The following GRM7 variants were observed in gnomAD, a reference collection of about 807,000 sequenced individuals.
The protein encoded by GRM7 is glutamate metabotropic receptor 7.
In GRM7, 35 loss-of-function variants were observed where a neutral mutation model predicts 84.5. The ratio of observed to expected loss-of-function variants is 0.41; its 90% CI spans 0.32 to 0.55. The LOEUF (loss-of-function observed/expected upper bound fraction) is 0.55. Ranked by LOEUF, GRM7 falls within the 20% of genes least tolerant of loss-of-function variation. The pLI is 0.19. For synonymous variants in GRM7, 487 were observed against 455.1 expected (o/e 1.07, Z -0.89); for missense variants, 1,003 against 1,194.6 (o/e 0.84, Z 2.36).
chr3:7,128,926 T>C (rs1323023248), intron 1 of GRM7, among the ~76,000 whole-genome samples: 1 of 152,172 alleles, frequency 6.6e-6, no homozygotes, highest in Non-Finnish European at 1.5e-5. Flanking sequence ...AAGTTGCTTT[T>C]AAGCTGAAGT....
At chr3:7,472,666 G>T (rs1698751177) in intron 7 of GRM7, among the ~76,000 whole-genome samples, 1 of 152,186 alleles carries the variant, frequency 6.6e-6, no homozygotes, top group South Asian at 2.1e-4. Context: ...GGTAGTGAGA[G>T]ATGAGGCAAC....
intron 1 of GRM7, among the ~76,000 whole-genome samples, chr3:7,074,974 G>C (rs1698012004): frequency 6.6e-6 from 1 of 152,196 alleles, no homozygotes; most frequent in Non-Finnish European, 1.5e-5. Context: ...TCTCACTTCA[G>C]TGATCATTTT....
intron 1 of GRM7, among the ~76,000 whole-genome samples, chr3:7,034,807 C>T (rs1370087187): frequency 3.3e-5 from 5 of 152,144 alleles, no homozygotes; most frequent in Admixed American, 3.3e-4. Context: ...CATGTCAATT[C>T]CTTGTCCTTC....
At chr3:7,700,871 A>G (rs1301176862) in intron 9 of GRM7, among the ~76,000 whole-genome samples, 1 of 152,226 alleles carries the variant, frequency 6.6e-6, no homozygotes, top group Non-Finnish European at 1.5e-5. Flanking sequence ...AATTCAGATC[A>G]TAGGATTAGG....
At chr3:7,224,999 T>C (rs1696936710) in intron 2 of GRM7, among the ~76,000 whole-genome samples, 1 of 152,222 alleles carries the variant, frequency 6.6e-6, no homozygotes, top group African/African-American at 2.4e-5. Flanking sequence ...CTTTAGTTTT[T>C]ACAGCTCTAG....
chr3:7,540,195 G>A (rs1239975883), intron 7 of GRM7, among the ~76,000 whole-genome samples: 1 of 152,048 alleles, frequency 6.6e-6, no homozygotes, highest in East Asian at 1.9e-4. Flanking sequence ...GTTAAAAATG[G>A]GATAACCAGA....
intron 7 of GRM7, among the ~76,000 whole-genome samples, chr3:7,558,573 A>G (rs530098212): frequency 8.9e-4 from 135 of 152,242 alleles, no homozygotes; most frequent in African/African-American, 3.2e-3. Context: ...CAGAAAGTTT[A>G]TTTGACCTAG....
intron 6 of GRM7, among the ~76,000 whole-genome samples, chr3:7,458,313 A>G (rs578250759): frequency 2.0e-5 from 3 of 152,262 alleles, no homozygotes; most frequent in Middle Eastern, 3.4e-3. Flanking sequence ...CCTTGTGGGC[A>G]TCTCTGTGGG....
At chr3:6,919,663 A>C (rs1042566558) in intron 1 of GRM7, among the ~76,000 whole-genome samples, 1 of 151,904 alleles carries the variant, frequency 6.6e-6, no homozygotes, top group Non-Finnish European at 1.5e-5. Context: ...TTTGATTTCA[A>C]ATATAAGATC....
At chr3:7,162,907 G>A (rs1481219054) in intron 2 of GRM7, among the ~76,000 whole-genome samples, 2 of 151,258 alleles carry the variant, frequency 1.3e-5, no homozygotes, top group Non-Finnish European at 2.9e-5. Context: ...TTACGGGAGT[G>A]CACCACAGTA....
intron 4 of GRM7, among the ~76,000 whole-genome samples, chr3:7,386,100 A>G (rs193180557): frequency 6.6e-6 from 1 of 152,316 alleles, no homozygotes; most frequent in East Asian, 1.9e-4. Context: ...GCTGATTACC[A>G]TGCAAGCCAA....
intron 1 of GRM7, among the ~76,000 whole-genome samples, chr3:7,064,140 T>A (rs1254306537): frequency 6.6e-6 from 1 of 151,372 alleles, no homozygotes; most frequent in African/African-American, 2.4e-5. Context: ...TCTGGTTACA[T>A]GTGTAAGTTC....
At chr3:6,995,982 C>T (rs945101379) in intron 1 of GRM7, among the ~76,000 whole-genome samples, 1 of 152,154 alleles carries the variant, frequency 6.6e-6, no homozygotes, top group Admixed American at 6.5e-5. Flanking sequence ...TAGGTATGCT[C>T]ACTTCATGAA....
chr3:7,732,992 T>G (rs1702381702), intron 9 of GRM7, among the ~76,000 whole-genome samples: 1 of 152,196 alleles, frequency 6.6e-6, no homozygotes, highest in Non-Finnish European at 1.5e-5. Context: ...TAGAGTAACC[T>G]CCTGATGTGG....
chr3:7,139,768 T>G (rs1460550548), intron 1 of GRM7, among the ~76,000 whole-genome samples: 1 of 151,986 alleles, frequency 6.6e-6, no homozygotes, highest in East Asian at 1.9e-4. Context: ...GCAATGATTT[T>G]TTTGAACATC....
intron 8 of GRM7, among the ~76,000 whole-genome samples, chr3:7,655,379 T>A (rs1171070364): frequency 2.6e-5 from 4 of 152,206 alleles, no homozygotes; most frequent in African/African-American, 9.6e-5. Context: ...ATGAAGCATG[T>A]GGCTCTATCC....
intron 1 of GRM7, among the ~76,000 whole-genome samples, chr3:6,890,524 G>T (rs948375208): frequency 3.0e-4 from 46 of 152,172 alleles, no homozygotes; most frequent in African/African-American, 1.1e-3. Context: ...TGTTCAGTTT[G>T]CATGTAGTTG....
intron 1 of GRM7, among the ~76,000 whole-genome samples, chr3:7,127,989 G>T (rs1375210074): frequency 2.0e-5 from 3 of 151,998 alleles, no homozygotes; most frequent in African/African-American, 7.2e-5. Flanking sequence ...ATTATTTCGA[G>T]TAGGAAACAC....
intron 8 of GRM7, among the ~76,000 whole-genome samples, chr3:7,642,330 A>G (rs766575625): frequency 2.0e-5 from 3 of 151,872 alleles, no homozygotes; most frequent in Admixed American, 1.3e-4. Context: ...AAGAATCTCA[A>G]AAAAAAAGTG....
Sources: gnomAD v4.1 joint callset for allele counts (sites outside exome capture counted in the v4.1 genomes callset) on GRCh38, gnomAD v4.1.1 for gene constraint, MANE v1.5 for transcripts, NCBI Gene and HGNC (gene_info 2026-07-23, HGNC 2026-07-21) for gene names.